ANKFN1: variants seen among roughly 807,000 people sequenced by gnomAD.
ANKFN1 encodes ankyrin repeat and fibronectin type-III domain-containing protein 1.
ANKFN1 carries 74 observed loss-of-function variants against 108.7 expected under a neutral mutation model. That is an observed-to-expected ratio of 0.68 (90% CI 0.56 to 0.83). ANKFN1 has a LOEUF of 0.83. ANKFN1 is among the 40% of genes least tolerant of loss of function. ANKFN1 has a pLI of 0.00. For synonymous variants in ANKFN1, 547 were observed against 516.2 expected (o/e 1.06, Z -0.81); for missense variants, 1,505 against 1,382.3 (o/e 1.09, Z -1.41).
At chr17:56,335,200 G>A (rs369220824) in intron 4 of ANKFN1, among the ~76,000 whole-genome samples, 26 of 152,150 alleles carry the variant, frequency 1.7e-4, no homozygotes, top group East Asian at 1.5e-3. Context: ...TTGGCAATGC[G>A]GGCTCTTTTT....
At chr17:56,248,212 C>T (rs1227781202) in intron 3 of ANKFN1, among the ~76,000 whole-genome samples, 1 of 152,152 alleles carries the variant, frequency 6.6e-6, no homozygotes, top group African/African-American at 2.4e-5. Context: ...CAAGTTAACA[C>T]ACTGGGTACT....
At chr17:56,107,659 C>A (rs531826225) in intron 4 of ANKFN1, among the ~76,000 whole-genome samples, 1 of 152,040 alleles carries the variant, frequency 6.6e-6, no homozygotes. Context: ...TCCACATTAT[C>A]CAAACTTGCC....
intron 3 of ANKFN1, among the ~76,000 whole-genome samples, chr17:56,234,518 G>A (rs891010779): frequency 6.6e-6 from 1 of 151,838 alleles, no homozygotes; most frequent in African/African-American, 2.4e-5. Flanking sequence ...CCACCCTCAA[G>A]TAGGTCCCGG....
intron 3 of ANKFN1, among the ~76,000 whole-genome samples, chr17:56,248,947 C>T (rs548237941): frequency 7.9e-4 from 120 of 152,186 alleles, no homozygotes; most frequent in African/African-American, 2.4e-3. Context: ...AAACTTAATC[C>T]GGCTGGAGTG....
chr17:56,492,344 T>A lies in ANKFN1; in HGVS notation c.2418T>A (p.Asp806Glu), dbSNP rs2051067738. The change falls in exon 19 of 21, where the codon GAT becomes GAA. Residue 806 changes from aspartate to glutamate, a missense_variant. Transcript: ENST00000682825. Reference sequence around the variant, plus strand: ...AACAAAGACACCAGCAAGTTTTAGATTTCATTCAGGTAATTGTTTGTTCCT... The same window carrying A: ...AACAAAGACACCAGCAAGTTTTAGAATTCATTCAGGTAATTGTTTGTTCCT... ...AAKQRHQQVL[D>E]FIQQIDEVWR... The A allele has an allele frequency of 1.4e-6, 1 of 701,976 alleles. No homozygotes were observed. The highest frequency in any genetic ancestry group is 2.6e-6 in the Non-Finnish European group (1 of 384,426). 43.5% of individuals were successfully genotyped at this position (701,976 alleles called of 1,614,324 possible). A position where few individuals can be genotyped will look rare whatever the true frequency, so the allele number is the denominator to read the frequency against.
Position 56,306,556 on chromosome 17 carries a change from C to G in ANKFN1, c.54-19665C>G, listed in dbSNP as rs375946868. ...GACCTCTTCAAGGAGAACTACAAACCACTGCTCAGTGAAATAAAAGACGAT... is the reference window on the plus strand; with the variant it reads ...GACCTCTTCAAGGAGAACTACAAACGACTGCTCAGTGAAATAAAAGACGAT... On this transcript the variant is annotated intron_variant, in intron 3 of 20. Coordinates refer to ENST00000682825, the MANE Select transcript of ANKFN1 (RefSeq NM_001370326.1). 2.0e-5 allele frequency among the ~76,000 whole-genome samples: 3 copies of G among 152,154 alleles called. No individual in the cohort carries two copies. The East Asian group carries it at 5.8e-4, about 29-fold the overall frequency.
intron 14 of ANKFN1, among the ~76,000 whole-genome samples, chr17:56,460,827 A>G (rs1251279208): frequency 1.3e-5 from 2 of 152,066 alleles, no homozygotes; most frequent in African/African-American, 4.8e-5. Flanking sequence ...CCCTTCAGCT[A>G]CCAAACTATT....
Position 56,094,675 on chromosome 17 carries a change from G to GTTTT in ANKFN1, c.288+48365_288+48368dup, listed in dbSNP as rs537728223. 6.5e-4 allele frequency among the ~76,000 whole-genome samples: 49 copies of GTTTT among 75,190 alleles called. 3 individuals carry two copies. The highest frequency in any genetic ancestry group is 6.2e-4 in the Admixed American group (5 of 8,020). 49.3% of individuals were successfully genotyped at this position (75,190 alleles called of 152,430 possible). ...CACACCACCACGCCCAGCTAATTGGGTTTTTTTTTTTTTTTTTTGTATTTT... is the reference window on the plus strand; with the variant it reads ...CACACCACCACGCCCAGCTAATTGGGTTTTTTTTTTTTTTTTTTTTTTGTATTTT... On this transcript the variant is annotated intron_variant, in intron 4 of 12. Coordinates refer to the ANKFN1 transcript ENST00000635860.
chr17:56,443,857 TA>T (rs1398055515), intron 10 of ANKFN1, among the ~76,000 whole-genome samples: 1 of 152,228 alleles, frequency 6.6e-6, no homozygotes, highest in African/African-American at 2.4e-5. Flanking sequence ...TTTCATTTTT[TA>T]AAAACACTTC....
chr17:56,408,556 A>G (rs1385028166), intron 8 of ANKFN1, among the ~76,000 whole-genome samples: 1 of 152,224 alleles, frequency 6.6e-6, no homozygotes, highest in Admixed American at 6.5e-5. Flanking sequence ...CTTCATTCTC[A>G]AAAACTACAT....
chr17:56,476,569 G>T (rs1224283140), intron 15 of ANKFN1, among the ~76,000 whole-genome samples: 1 of 152,188 alleles, frequency 6.6e-6, no homozygotes. Context: ...AAAAGATACA[G>T]AATTCAGTGA....
At chr17:56,360,727 T>A (rs1598458069) in intron 6 of ANKFN1, among the ~76,000 whole-genome samples, 1 of 152,224 alleles carries the variant, frequency 6.6e-6, no homozygotes, top group Admixed American at 6.5e-5. Context: ...TATTTAAACA[T>A]CAGATGGCCA....
chr17:56,137,467 A>G (rs537091813), intron 4 of ANKFN1, among the ~76,000 whole-genome samples: 11 of 152,230 alleles, frequency 7.2e-5, no homozygotes, highest in African/African-American at 2.6e-4. Context: ...CAATCTACCC[A>G]TTTCAAGCCT....
At chr17:56,326,587 C>T (rs2045523808) in intron 4 of ANKFN1, among the ~76,000 whole-genome samples, 1 of 152,108 alleles carries the variant, frequency 6.6e-6, no homozygotes, top group Admixed American at 6.5e-5. Context: ...GTAGGGAAGC[C>T]CCATTTCTGA....
chr17:56,329,261 G>T (rs2045600452), intron 4 of ANKFN1, among the ~76,000 whole-genome samples: 1 of 152,080 alleles, frequency 6.6e-6, no homozygotes, highest in African/African-American at 2.4e-5. Flanking sequence ...CACTGTGAGT[G>T]TCAAAGCCCA....
intron 8 of ANKFN1, among the ~76,000 whole-genome samples, chr17:56,406,238 C>A (rs1240757236): frequency 6.6e-6 from 1 of 152,120 alleles, no homozygotes; most frequent in East Asian, 1.9e-4. Context: ...CAAAAGTATG[C>A]CTGAAAGAAG....
At chr17:56,169,775 G>T (rs1208586946) in intron 1 of ANKFN1, among the ~76,000 whole-genome samples, 6 of 152,086 alleles carry the variant, frequency 3.9e-5, no homozygotes, top group Non-Finnish European at 8.8e-5. Flanking sequence ...ATCATGGCAA[G>T]CTGCCCTGCT....
intron 8 of ANKFN1, among the ~76,000 whole-genome samples, chr17:56,416,496 C>T (rs1445139669): frequency 6.6e-6 from 1 of 152,134 alleles, no homozygotes; most frequent in Non-Finnish European, 1.5e-5. Flanking sequence ...AATCAAAACT[C>T]CCATGAGATT....
At chr17:56,411,779 G>A (rs955965710) in intron 8 of ANKFN1, among the ~76,000 whole-genome samples, 1 of 152,090 alleles carries the variant, frequency 6.6e-6, no homozygotes, top group African/African-American at 2.4e-5. Context: ...TGTTAATACA[G>A]TGTATCACAT....
Sources: gnomAD v4.1 joint callset for allele counts (sites outside exome capture counted in the v4.1 genomes callset) on GRCh38, gnomAD v4.1.1 for gene constraint, MANE v1.5 for transcripts, NCBI Gene and HGNC (gene_info 2026-07-23, HGNC 2026-07-21) for gene names.